SPECC1: variants seen among roughly 807,000 people sequenced by gnomAD.
The protein encoded by SPECC1 is cytospin-B.
Under a neutral mutation model 104.1 loss-of-function variants are expected in SPECC1, and 62 were observed. The ratio of observed to expected loss-of-function variants is 0.60; its 90% confidence interval spans 0.49 to 0.74. The LOEUF is 0.74. Among genes scored for constraint, SPECC1 ranks in the 30% least tolerant of loss-of-function variants. The probability of loss-of-function intolerance (pLI) is 0.00; values close to 1 mark genes in which losing one functional copy is unlikely to be tolerated. For synonymous variants in SPECC1, 513 were observed against 501.6 expected (o/e 1.02, Z -0.30); for missense variants, 1,306 against 1,310.5 (o/e 1.00, Z 0.05).
chr17:20,039,878 A>G (rs1313107620), intron 1 of SPECC1, among the ~76,000 whole-genome samples: 1 of 152,132 alleles, frequency 6.6e-6, no homozygotes, highest in East Asian at 1.9e-4. Context: ...TCTTATAGCT[A>G]TGTTTTTAAA....
Position 20,217,281 on chromosome 17 carries a change from G to GTT in SPECC1, c.1864-10123_1864-10122dup, listed in dbSNP as rs966089558. Among the ~76,000 whole-genome samples, 635 of 147,642 alleles carry GTT rather than the reference G, an allele frequency of 4.3e-3. 4 individuals are homozygous for GTT. Among genetic ancestry groups the GTT allele is most frequent in the African/African-American group, 0.014 (547 of 39,806 alleles). On this transcript the variant is annotated intron_variant, in intron 4 of 14. Transcript: ENST00000395527. ...TTTTTTATTGTGTGTGTGTGTGTGT[G>GTT]TTTTTTTTTTCTTGTAAATAGCTTT...
At chr17:20,129,579 T>A (rs183805637) in intron 3 of SPECC1, among the ~76,000 whole-genome samples, 1 of 152,196 alleles carries the variant, frequency 6.6e-6, no homozygotes, top group Non-Finnish European at 1.5e-5. Flanking sequence ...TGCAAATATG[T>A]TCTTCCAGTC....
intron 3 of SPECC1, among the ~76,000 whole-genome samples, chr17:20,178,464 G>GT (rs1186458951): frequency 1.3e-5 from 2 of 152,146 alleles, no homozygotes; most frequent in African/African-American, 4.8e-5. Context: ...TTAAAAGGGG[G>GT]TTTAATAACT....
chr17:20,033,682 C>G (rs1441485913), intron 1 of SPECC1, among the ~76,000 whole-genome samples: 1 of 152,168 alleles, frequency 6.6e-6, no homozygotes, highest in African/African-American at 2.4e-5. Context: ...TAAGAACTCA[C>G]TCATTCCTGC....
chr17:20,087,787 C>G (rs1567833395), intron 1 of SPECC1, among the ~76,000 whole-genome samples: 1 of 152,150 alleles, frequency 6.6e-6, no homozygotes, highest in African/African-American at 2.4e-5. Flanking sequence ...AAATCAATGG[C>G]AGATAATCGA....
At chr17:20,181,258 T>C (rs562557346) in intron 3 of SPECC1, among the ~76,000 whole-genome samples, 23 of 152,028 alleles carry the variant, frequency 1.5e-4, no homozygotes, top group South Asian at 1.5e-3. Flanking sequence ...ATTCAACTTA[T>C]GAAACTAGAA....
At chr17:20,015,584 A>AT (rs1222758913) in intron 1 of SPECC1, among the ~76,000 whole-genome samples, 1,867 of 102,052 alleles carry the variant, frequency 0.018, 105 homozygotes, top group African/African-American at 0.049. Flanking sequence ...CCGGGTCTCT[A>AT]TTTTTTTTTT....
chr17:20,275,436 A>G (rs144919003), intron 12 of SPECC1, among the ~76,000 whole-genome samples: 4 of 152,272 alleles, frequency 2.6e-5, no homozygotes, highest in Admixed American at 6.5e-5. Flanking sequence ...TGCAATAGGT[A>G]TTTATTTTAC....
chr17:20,298,948 A>AGAGAGAGAGAGTGTGTGTGTGTGTGT, intron 13 of SPECC1, among the ~76,000 whole-genome samples: 21 of 49,052 alleles, frequency 4.3e-4, no homozygotes, highest in Admixed American at 6.3e-4. Flanking sequence ...AGAGAGAGAG[A>AGAGAGAGAGAGTGTGTGTGTGTGTGT]GTGTGTGTGT....
chr17:20,282,376 G>A (rs1052165117), intron 12 of SPECC1, among the ~76,000 whole-genome samples: 4 of 152,168 alleles, frequency 2.6e-5, no homozygotes, highest in African/African-American at 4.8e-5. Flanking sequence ...CACCGTGGCC[G>A]CTGTCTCCAT....
intron 3 of SPECC1, among the ~76,000 whole-genome samples, chr17:20,132,486 G>A (rs1302627976): frequency 6.6e-6 from 1 of 150,940 alleles, no homozygotes; most frequent in Non-Finnish European, 1.5e-5. Flanking sequence ...ATAATTGGTA[G>A]AATTCTGAGT....
At chr17:20,082,415 C>T (rs1043488563) in intron 1 of SPECC1, among the ~76,000 whole-genome samples, 3 of 152,052 alleles carry the variant, frequency 2.0e-5, no homozygotes, top group African/African-American at 4.8e-5. Context: ...GCCTGGGCAA[C>T]ACAGTGAGAC....
chr17:20,290,928 A>G (rs999691335), intron 12 of SPECC1, among the ~76,000 whole-genome samples: 7 of 152,226 alleles, frequency 4.6e-5, no homozygotes, highest in Admixed American at 1.3e-4. Flanking sequence ...GATTTTGCAG[A>G]TGAAGAAAAA....
At chr17:20,055,148 A>G (rs143013774) in intron 1 of SPECC1, among the ~76,000 whole-genome samples, 144 of 152,038 alleles carry the variant, frequency 9.5e-4, no homozygotes, top group Admixed American at 2.6e-3. Flanking sequence ...GAATTTGTCT[A>G]TTTTTGGTAT....
At chr17:20,154,320 G>A (rs1243356484) in intron 3 of SPECC1, among the ~76,000 whole-genome samples, 3 of 152,186 alleles carry the variant, frequency 2.0e-5, no homozygotes, top group Admixed American at 6.5e-5. Flanking sequence ...AATGTGGTGC[G>A]ATGAGAGAAG....
intron 3 of SPECC1, among the ~76,000 whole-genome samples, chr17:20,142,399 T>C (rs554738507): frequency 2.6e-5 from 4 of 152,270 alleles, no homozygotes; most frequent in Middle Eastern, 3.4e-3. Flanking sequence ...TTGCAATAAC[T>C]AAAAGGTGGA....
At chr17:20,251,546 G>A (rs2039634751) in intron 9 of SPECC1, among the ~76,000 whole-genome samples, 1 of 152,078 alleles carries the variant, frequency 6.6e-6, no homozygotes. Context: ...TGTGGGATGT[G>A]GATACATGGA....
chr17:20,184,060 C>T (rs558468121), intron 3 of SPECC1, among the ~76,000 whole-genome samples: 5 of 150,478 alleles, frequency 3.3e-5, no homozygotes, highest in South Asian at 2.1e-4. Context: ...ACGTGCCTAT[C>T]GTCCCAGCTA....
chr17:20,243,925 G>C (rs1021872605), intron 7 of SPECC1, among the ~76,000 whole-genome samples: 4 of 152,108 alleles, frequency 2.6e-5, no homozygotes, highest in African/African-American at 9.7e-5. Context: ...AAATGGACTG[G>C]TAAGAAGGTG....
Sources: gnomAD v4.1 joint callset for allele counts (sites outside exome capture counted in the v4.1 genomes callset) on GRCh38, gnomAD v4.1.1 for gene constraint, MANE v1.5 for transcripts, NCBI Gene and HGNC (gene_info 2026-07-23, HGNC 2026-07-21) for gene names.